Variants in NRXN1 observed in about 807,000 individuals in gnomAD.
The protein encoded by NRXN1 is neurexin-1.
A neutral mutation model predicts 150.9 loss-of-function variants in NRXN1; 39 were observed. That is an observed-to-expected ratio of 0.26 (90% confidence interval 0.20 to 0.34). NRXN1 has a LOEUF of 0.34. Ranked by LOEUF, NRXN1 falls within the 10% of genes least tolerant of loss-of-function variation. NRXN1 has a pLI of 1.00. For synonymous variants in NRXN1, 924 were observed against 757.0 expected (o/e 1.22, Z -3.62); for missense variants, 1,815 against 1,949.9 (o/e 0.93, Z 1.30).
intron 5 of NRXN1, among the ~76,000 whole-genome samples, chr2:50,644,747 G>A (rs1684561833): frequency 6.8e-6 from 1 of 146,832 alleles, no homozygotes; most frequent in South Asian, 2.1e-4. Context: ...ATCTAAAGGT[G>A]TATATATACA....
rs75432806 is a variant in NRXN1, at chr2:50,939,525, A to T, written c.773-13570T>A. Among the ~76,000 whole-genome samples, 11 of 152,186 alleles carry T rather than the reference A, an allele frequency of 7.2e-5. No individual in the cohort carries two copies. The East Asian group carries it at 2.1e-3, about 29-fold the overall frequency. Reference sequence around the variant, plus strand: ...GGATGCAAATATTGAACACAATTAGATTACTGACATTTTAGGATGATCTCA... The same window carrying T: ...GGATGCAAATATTGAACACAATTAGTTTACTGACATTTTAGGATGATCTCA... On this transcript the variant is annotated intron_variant, in intron 2 of 22. Coordinates refer to ENST00000401669, the MANE Select transcript of NRXN1 (RefSeq NM_001330078.2).
chr2:50,696,331 CAG>C (rs1252388976), intron 5 of NRXN1: 1 of 152,504 alleles, frequency 6.6e-6, no homozygotes, highest in Non-Finnish European at 1.5e-5. Flanking sequence ...ATTCTTCACA[CAG>C]ATAGCTGACA....
intron 17 of NRXN1, among the ~76,000 whole-genome samples, chr2:50,378,603 A>AC (rs1479738662): frequency 6.6e-6 from 1 of 152,116 alleles, no homozygotes; most frequent in African/African-American, 2.4e-5. Context: ...AAAGTTGAAA[A>AC]ATCCTAAGTT....
chr2:50,534,416 A>T (rs78094253), intron 10 of NRXN1, among the ~76,000 whole-genome samples: 10,848 of 152,166 alleles, frequency 0.071, 503 homozygotes, highest in East Asian at 0.15. Flanking sequence ...ATAATATCAT[A>T]TTTTTTTCCA....
chr2:50,244,582 T>C (rs2066335376), intron 17 of NRXN1, among the ~76,000 whole-genome samples: 1 of 151,884 alleles, frequency 6.6e-6, no homozygotes. Flanking sequence ...GCTAAGAATA[T>C]AAATTCAGAA....
chr2:50,920,476 T>C (rs1227053849), intron 5 of NRXN1, among the ~76,000 whole-genome samples: 1 of 151,766 alleles, frequency 6.6e-6, no homozygotes, highest in Non-Finnish European at 1.5e-5. Context: ...TACTTAGAAA[T>C]TGTGTATTTA....
chr2:50,122,609 C>G (rs1704015455), intron 18 of NRXN1, among the ~76,000 whole-genome samples: 1 of 152,214 alleles, frequency 6.6e-6, no homozygotes, highest in Non-Finnish European at 1.5e-5. Flanking sequence ...CATAGAAACA[C>G]CTAGCAGCAG....
intron 8 of NRXN1, among the ~76,000 whole-genome samples, chr2:50,607,292 A>C (rs996904601): frequency 4.6e-5 from 7 of 152,172 alleles, no homozygotes; most frequent in Non-Finnish European, 8.8e-5. Context: ...TACTTGTGTC[A>C]GTTAAAGGCA....
intron 18 of NRXN1, among the ~76,000 whole-genome samples, chr2:50,214,567 TG>T (rs2063258551): frequency 6.6e-6 from 1 of 151,950 alleles, no homozygotes; most frequent in Non-Finnish European, 1.5e-5. Flanking sequence ...AAAAATCTAC[TG>T]CCTAGTTATA....
intron 17 of NRXN1, among the ~76,000 whole-genome samples, chr2:50,250,056 C>T (rs1038221540): frequency 3.9e-5 from 6 of 152,082 alleles, no homozygotes; most frequent in Non-Finnish European, 8.8e-5. Flanking sequence ...GCTTTACTGA[C>T]CTGCTACCTT....
intron 22 of NRXN1, among the ~76,000 whole-genome samples, chr2:49,925,281 CAAAAA>C (rs772838099): frequency 1.2e-5 from 1 of 80,982 alleles, no homozygotes; most frequent in Non-Finnish European, 2.6e-5. Context: ...CTGCCTCAAC[CAAAAA>C]AAAAAAAAAA....
intron 17 of NRXN1, among the ~76,000 whole-genome samples, chr2:50,406,717 C>G (rs537089464): frequency 2.0e-5 from 3 of 152,210 alleles, no homozygotes; most frequent in South Asian, 4.1e-4. Context: ...CAGAGAGAGA[C>G]AGACAGAGTT....
intron 17 of NRXN1, among the ~76,000 whole-genome samples, chr2:50,426,018 T>G (rs980206707): frequency 3.3e-5 from 5 of 152,202 alleles, no homozygotes; most frequent in African/African-American, 9.6e-5. Context: ...AGAGACATTT[T>G]AACATCCTTT....
At chr2:50,729,732 G>C (rs1697851522) in intron 5 of NRXN1, among the ~76,000 whole-genome samples, 2 of 152,126 alleles carry the variant, frequency 1.3e-5, no homozygotes, top group Non-Finnish European at 2.9e-5. Flanking sequence ...GTTGCTATCT[G>C]ACACCCAAAA....
intron 5 of NRXN1, among the ~76,000 whole-genome samples, chr2:50,728,509 A>G (rs970069519): frequency 2.0e-5 from 3 of 152,016 alleles, no homozygotes; most frequent in Non-Finnish European, 4.4e-5. Flanking sequence ...TTTCCCTTCC[A>G]TCTTTTCTTG....
chr2:50,279,262 T>C (rs1247076556), intron 17 of NRXN1, among the ~76,000 whole-genome samples: 3 of 152,154 alleles, frequency 2.0e-5, no homozygotes, highest in Admixed American at 6.5e-5. Context: ...AAATTTATAA[T>C]AATATCACTG....
intron 9 of NRXN1, among the ~76,000 whole-genome samples, chr2:50,542,221 C>T (rs914636891): frequency 8.6e-5 from 13 of 152,024 alleles, no homozygotes; most frequent in Admixed American, 2.0e-4. Flanking sequence ...GCAGAGGTTG[C>T]GGTGAGCCGA....
intron 21 of NRXN1, among the ~76,000 whole-genome samples, chr2:50,029,758 A>AAT (rs1688912879): frequency 6.6e-6 from 1 of 152,182 alleles, no homozygotes; most frequent in Admixed American, 6.5e-5. Flanking sequence ...GCAGTAGGGC[A>AAT]CATTGGGCTC....
At chr2:50,418,634 A>G (rs1324694235) in intron 17 of NRXN1, among the ~76,000 whole-genome samples, 1 of 152,070 alleles carries the variant, frequency 6.6e-6, no homozygotes, top group Non-Finnish European at 1.5e-5. Context: ...AATTTTTAAA[A>G]AGGCATACCC....
Sources: gnomAD v4.1 joint callset for allele counts (sites outside exome capture counted in the v4.1 genomes callset) on GRCh38, gnomAD v4.1.1 for gene constraint, MANE v1.5 for transcripts, NCBI Gene and HGNC (gene_info 2026-07-23, HGNC 2026-07-21) for gene names.